The following RERE variants were observed in gnomAD, a reference collection of about 807,000 sequenced individuals.
RERE encodes the protein arginine-glutamic acid dipeptide repeats, also known as arginine-glutamic acid dipeptide repeats protein.
Under a neutral mutation model 146.1 loss-of-function variants are expected in RERE, and 40 were observed. The ratio of observed to expected loss-of-function variants is 0.27; its 90% confidence interval spans 0.21 to 0.36. RERE has a LOEUF of 0.36. Ranked by LOEUF, RERE falls within the 10% of genes least tolerant of loss-of-function variation. RERE has a pLI of 1.00. For missense variants in RERE, 1,933 were observed against 2,138.7 expected, an observed-to-expected ratio of 0.90 and a Z score of 1.90; for synonymous variants, 1,003 against 866.0, an observed-to-expected ratio of 1.16 and a Z score of -2.78.
chr1:8,383,305 C>A (rs992872782), intron 12 of RERE, among the ~76,000 whole-genome samples: 11 of 151,350 alleles, frequency 7.3e-5, no homozygotes, highest in Non-Finnish European at 1.6e-4. Flanking sequence ...TTCTCTCTTA[C>A]ACAATCGGCA....
At chr1:8,749,694 A>G (rs1448510792) in intron 1 of RERE, among the ~76,000 whole-genome samples, 2 of 152,216 alleles carry the variant, frequency 1.3e-5, no homozygotes, top group African/African-American at 4.8e-5. Context: ...GGTCAGAGTT[A>G]TATCAGAGAC....
intron 11 of RERE, among the ~76,000 whole-genome samples, chr1:8,448,392 A>G (rs1276218591): frequency 6.6e-6 from 1 of 152,028 alleles, no homozygotes; most frequent in Non-Finnish European, 1.5e-5. Context: ...AATAATTACT[A>G]TTGGGTGCAT....
rs181023560 is a variant in RERE, at chr1:8,469,621, T to A, written c.1105-3598A>T. Reference sequence around the variant, plus strand: ...CTGAGAGACAGAGTGAGACCCCGTCTCAAAAAAATAATAATAGTAATAAGA... The same window carrying A: ...CTGAGAGACAGAGTGAGACCCCGTCACAAAAAAATAATAATAGTAATAAGA... On this transcript the variant is annotated intron_variant, in intron 10 of 22. Coordinates refer to ENST00000400908, the MANE Select transcript of RERE (RefSeq NM_001042681.2). 2.0e-3 allele frequency among the ~76,000 whole-genome samples: 301 copies of A among 152,042 alleles called. 1 individual carries two copies. The highest frequency in any genetic ancestry group is 7.1e-3 in the African/African-American group (292 of 41,400).
intron 10 of RERE, among the ~76,000 whole-genome samples, chr1:8,490,395 TGA>T (rs1369818473): frequency 1.3e-5 from 2 of 149,290 alleles, no homozygotes; most frequent in Non-Finnish European, 2.9e-5. Context: ...TGACAGTTTC[TGA>T]GAGAGCTTCC....
chr1:8,665,694 G>A (rs189333731), intron 1 of RERE, among the ~76,000 whole-genome samples: 3 of 152,144 alleles, frequency 2.0e-5, no homozygotes, highest in African/African-American at 7.2e-5. Flanking sequence ...CAGGTGGAAG[G>A]GATAATGGAA....
intron 11 of RERE, among the ~76,000 whole-genome samples, chr1:8,426,054 C>A (rs1165802350): frequency 6.6e-6 from 1 of 152,190 alleles, no homozygotes; most frequent in African/African-American, 2.4e-5. Flanking sequence ...AAAATGCAGG[C>A]AGGCGTCTAC....
chr1:8,437,857 G>C (rs765062820), intron 11 of RERE, among the ~76,000 whole-genome samples: 5 of 152,034 alleles, frequency 3.3e-5, no homozygotes, highest in Non-Finnish European at 5.9e-5. Flanking sequence ...CCCAGGCTGA[G>C]ACTTCTGCTC....
Position 8,649,189 on chromosome 1 carries a change from G to A in RERE, c.325+6784C>T, listed in dbSNP as rs78636481. On this transcript the variant is annotated intron_variant, in intron 2 of 22. Transcript: ENST00000400908. ...CTGTGTAATAAATCAATTTGTTACCGTGACAGTCATCTCAAAACAGGAGTA... is the reference window on the plus strand; with the variant it reads ...CTGTGTAATAAATCAATTTGTTACCATGACAGTCATCTCAAAACAGGAGTA... Among the ~76,000 whole-genome samples, 259 of 152,280 alleles carry A rather than the reference G, an allele frequency of 1.7e-3. 3 individuals are homozygous for A. The East Asian group carries it at 0.044, about 26-fold the overall frequency.
At chr1:8,559,933 T>C (rs2124430762) in intron 4 of RERE, among the ~76,000 whole-genome samples, 1 of 152,302 alleles carries the variant, frequency 6.6e-6, no homozygotes, top group South Asian at 2.1e-4. Flanking sequence ...GATCAGGATA[T>C]ACCACCTCAA....
chr1:8,502,224 C>T (rs1426149055), intron 8 of RERE, among the ~76,000 whole-genome samples: 2 of 106,654 alleles, frequency 1.9e-5, no homozygotes, highest in African/African-American at 7.9e-5. Flanking sequence ...GGATCAGCCC[C>T]CCGCCTGGCC....
chr1:8,683,266 T>TCA (rs1338629133), intron 1 of RERE, among the ~76,000 whole-genome samples: 2 of 152,128 alleles, frequency 1.3e-5, no homozygotes, highest in African/African-American at 4.8e-5. Context: ...ACATGTACCT[T>TCA]CACCCTTTTG....
At chr1:8,384,682 T>C (rs1384391098) in intron 12 of RERE, among the ~76,000 whole-genome samples, 1 of 152,194 alleles carries the variant, frequency 6.6e-6, no homozygotes, top group Non-Finnish European at 1.5e-5. Flanking sequence ...TTGAAGGCAT[T>C]TTCTCTGCTC....
intron 10 of RERE, among the ~76,000 whole-genome samples, chr1:8,484,456 C>T (rs1248141187): frequency 6.8e-5 from 10 of 147,446 alleles, no homozygotes; most frequent in African/African-American, 1.2e-4. Context: ...GATGGAGTCT[C>T]GCTCTGTCGC....
At position 8,694,977 on chromosome 1, in the gene RERE, G is replaced by GGGT. The variant is rs1553135217; in HGVS notation, c.-144-38537_-144-38536insACC. Among the ~76,000 whole-genome samples the GGGT allele has an allele frequency of 2.4e-5, 3 of 127,536 alleles. 1 individual carries two copies. Among genetic ancestry groups the GGGT allele is most frequent in the East Asian group, 2.3e-4 (1 of 4,402 alleles). The allele number at this position is 127,536 out of a possible 152,430, so 83.7% of individuals were successfully genotyped here. On this transcript the variant is annotated intron_variant, in intron 1 of 22. Transcript: ENST00000400908. Reference sequence around the variant, plus strand: ...CAAAGAGCCAAAGAAATCCTAAGGGGGGGGGGGGAATGCTGGCAGCATCAC... The same window carrying GGGT: ...CAAAGAGCCAAAGAAATCCTAAGGGGGGTGGGGGGGGAATGCTGGCAGCATCAC...
intron 1 of RERE, among the ~76,000 whole-genome samples, chr1:8,763,415 T>C (rs990151833): frequency 2.6e-5 from 4 of 151,630 alleles, no homozygotes; most frequent in African/African-American, 9.7e-5. Flanking sequence ...CATGGATCAT[T>C]TGAAATCAGG....
intron 8 of RERE, among the ~76,000 whole-genome samples, chr1:8,502,246 C>T: frequency 8.9e-6 from 1 of 112,940 alleles, no homozygotes; most frequent in East Asian, 2.9e-4. Flanking sequence ...GCCACCCCGT[C>T]CGGGAGGTGA....
chr1:8,724,309 A>T (rs1049998974), intron 1 of RERE, among the ~76,000 whole-genome samples: 1 of 152,192 alleles, frequency 6.6e-6, no homozygotes, highest in Non-Finnish European at 1.5e-5. Flanking sequence ...ATAATATTTC[A>T]ATCTTAGGTT....
intron 7 of RERE, chr1:8,519,687 T>C (rs755674487): frequency 3.3e-5 from 5 of 152,212 alleles, no homozygotes; most frequent in African/African-American, 1.2e-4. Flanking sequence ...CCTGCTATTA[T>C]GAGTTCCCGA....
intron 1 of RERE, among the ~76,000 whole-genome samples, chr1:8,750,195 G>A (rs1280465710): frequency 1.3e-5 from 2 of 148,304 alleles, no homozygotes; most frequent in African/African-American, 4.9e-5. Context: ...TGATGAAAGT[G>A]GAAGACTGGA....
Sources: gnomAD v4.1 joint callset for allele counts (sites outside exome capture counted in the v4.1 genomes callset) on GRCh38, gnomAD v4.1.1 for gene constraint, MANE v1.5 for transcripts, NCBI Gene and HGNC (gene_info 2026-07-23, HGNC 2026-07-21) for gene names.